Variants in MEF2A observed in about 807,000 individuals in gnomAD.
MEF2A encodes myocyte enhancer factor 2A.
Under a neutral mutation model 55.8 loss-of-function variants are expected in MEF2A, and 28 were observed. The observed-to-expected ratio is 0.50, with a 90% CI of 0.37 to 0.69. The LOEUF (loss-of-function observed/expected upper bound fraction) is 0.69. Ranked by LOEUF, MEF2A falls within the 30% of genes least tolerant of loss-of-function variation. The probability of loss-of-function intolerance (pLI) is 0.00; values close to 1 mark genes in which losing one functional copy is unlikely to be tolerated. For missense variants in MEF2A, 528 were observed against 626.2 expected (o/e 0.84, Z 1.67); for synonymous variants, 239 against 227.1 (o/e 1.05, Z -0.47).
In MEF2A at chr15:99,633,147, C is replaced by A. The variant is rs755726096; in HGVS notation, c.28C>A (p.Arg10Ser). The A allele has an allele frequency of 6.3e-7, 1 of 1,592,304 alleles. No individual in the cohort carries two copies. Among genetic ancestry groups the A allele is most frequent in the Non-Finnish European group, 8.5e-7 (1 of 1,171,068 alleles). The change falls in exon 3 of 12, where the codon CGC becomes AGC. Residue 10 changes from arginine (R) to serine (S), a missense_variant. Around this residue, in one of 2 missense-constraint regions of MEF2A, gnomAD observed 78 missense variants for 150.9 expected, o/e 0.52. Transcript: ENST00000557942. MGRKKIQIT[R>S]IMDERNRQVT... Reference sequence around the variant, plus strand: ...GGGGCGGAAGAAAATACAAATCACACGCATAATGGATGAAAGGAACCGACA... The same window carrying A: ...GGGGCGGAAGAAAATACAAATCACAAGCATAATGGATGAAAGGAACCGACA...
At chr15:99,704,340 GGT>G (rs1178167515) in intron 9 of MEF2A, among the ~76,000 whole-genome samples, 1 of 152,080 alleles carries the variant, frequency 6.6e-6, no homozygotes, top group Non-Finnish European at 1.5e-5. Flanking sequence ...CACAGTTTTG[GGT>G]GTAGTTTTGT....
At chr15:99,704,133 T>G (rs2057750118) in intron 9 of MEF2A, among the ~76,000 whole-genome samples, 1 of 152,216 alleles carries the variant, frequency 6.6e-6, no homozygotes, top group Non-Finnish European at 1.5e-5. Context: ...TTAAGGGGAA[T>G]AAAAACTTGA....
chr15:99,660,030 C>T (rs935718866), intron 4 of MEF2A, among the ~76,000 whole-genome samples: 2 of 152,116 alleles, frequency 1.3e-5, no homozygotes, highest in African/African-American at 4.8e-5. Flanking sequence ...ATAGTAAAAA[C>T]AAAGAGCTTT....
At chr15:99,700,498 C>T (rs1308740341) in intron 8 of MEF2A, among the ~76,000 whole-genome samples, 2 of 151,436 alleles carry the variant, frequency 1.3e-5, no homozygotes, top group Admixed American at 6.6e-5. Context: ...GCTGACACAG[C>T]GAGACCCTGT....
intron 7 of MEF2A, chr15:99,678,714 G>T: frequency 2.1e-6 from 2 of 975,406 alleles, no homozygotes; most frequent in African/African-American, 1.7e-5. Flanking sequence ...CTCAGGAAAG[G>T]CAAAGACTTC....
At chr15:99,567,313 G>GA (rs1960093492) in intron 1 of MEF2A, among the ~76,000 whole-genome samples, 1 of 152,146 alleles carries the variant, frequency 6.6e-6, no homozygotes, top group Admixed American at 6.5e-5. Flanking sequence ...CGGGTTTTTA[G>GA]CACAGTATGT....
rs2047811092 is a variant in MEF2A at position 99,656,854 on chromosome 15, T to C, written c.258+11090T>C. 4.0e-5 allele frequency among the ~76,000 whole-genome samples: 6 copies of C among 151,730 alleles called. No individual in the cohort carries two copies. In the South Asian group the frequency reaches 1.3e-3, roughly 32 times the overall value. ...CACCAGTGTAGATTATGCAGTTCAG[T>C]GGTTCTTAGTCCATTCACAAGTTGG... On this transcript the variant is annotated intron_variant, in intron 4 of 11. Transcript: ENST00000557942.
Position 99,633,114 on chromosome 15 carries a change from C to T in MEF2A, c.-6C>T, listed in dbSNP as rs761422842. On this transcript the variant is annotated 5_prime_UTR_variant, in exon 3 of 12. Coordinates refer to ENST00000557942, the MANE Select transcript of MEF2A (RefSeq NM_001319206.4). ...AATATAAGGAAATAAGGAAAGTTGA[C>T]TGAAAATGGGGCGGAAGAAAATACA... is the stretch of plus-strand genomic sequence containing the variant. The T allele has an allele frequency of 6.3e-7, 1 of 1,599,642 alleles. No individual in the cohort carries two copies. Among genetic ancestry groups the T allele is most frequent in the African/African-American group, 1.3e-5 (1 of 74,152 alleles).
intron 7 of MEF2A, among the ~76,000 whole-genome samples, chr15:99,678,071 T>A (rs2052467698): frequency 6.6e-6 from 1 of 152,208 alleles, no homozygotes; most frequent in African/African-American, 2.4e-5. Flanking sequence ...ACAAAACAAA[T>A]ACTGATTATT....
intron 8 of MEF2A, among the ~76,000 whole-genome samples, chr15:99,694,851 CGTG>C (rs2056170588): frequency 1.3e-5 from 2 of 152,110 alleles, no homozygotes; most frequent in African/African-American, 2.4e-5. Flanking sequence ...AATATGGACT[CGTG>C]GGCATTTATT....
intron 4 of MEF2A, among the ~76,000 whole-genome samples, chr15:99,647,859 T>G (rs1207907896): frequency 6.6e-6 from 1 of 152,178 alleles, no homozygotes; most frequent in Non-Finnish European, 1.5e-5. Flanking sequence ...TAGGATAAAT[T>G]ACAAGGCTTA....
chr15:99,585,485 A>T (rs1197736404), intron 1 of MEF2A, among the ~76,000 whole-genome samples: 1 of 152,156 alleles, frequency 6.6e-6, no homozygotes, highest in African/African-American at 2.4e-5. Context: ...GTTTTTTTAA[A>T]AAATTATAGT....
At chr15:99,642,934 G>GTGTA in intron 3 of MEF2A, among the ~76,000 whole-genome samples, 1 of 152,046 alleles carries the variant, frequency 6.6e-6, no homozygotes, top group Non-Finnish European at 1.5e-5. Context: ...TATTATGTAT[G>GTGTA]TGTATGTATG....
rs1290586717 is a variant in MEF2A at position 99,712,696 on chromosome 15, T to C, written c.1443T>C (p.Leu481=). 1.3e-6 allele frequency: 2 copies of C among 1,563,548 alleles called. No individual in the cohort carries two copies. The highest frequency in any genetic ancestry group is 1.7e-6 in the Non-Finnish European group (2 of 1,153,818). The change falls in exon 12 of 12, where the codon CTT becomes CTC. Residue 481 remains leucine (L), a synonymous_variant. Coordinates refer to ENST00000557942, the MANE Select transcript of MEF2A (RefSeq NM_001319206.4). The surrounding 1 kb of genome is among the most constrained non-coding windows in gnomAD (Gnocchi z 4.1). ...GCGACTTCCATTCTCCAATTGTGCT[T>C]GGCCGACCCCCAAACACTGAGGACA... The part of the protein sequence containing the change: ...PRGDFHSPIV[L]GRPPNTEDRE...
At chr15:99,685,025 T>G (rs1476972668) in intron 7 of MEF2A, among the ~76,000 whole-genome samples, 1 of 152,210 alleles carries the variant, frequency 6.6e-6, no homozygotes, top group Non-Finnish European at 1.5e-5. Context: ...TACTTCTGGG[T>G]TTTCTATTCT....
chr15:99,692,376 C>CAA (rs1245206173), intron 8 of MEF2A, among the ~76,000 whole-genome samples: 5 of 152,172 alleles, frequency 3.3e-5, no homozygotes, highest in Non-Finnish European at 5.9e-5. Context: ...CTCCCAGCCT[C>CAA]ACAATTAAAA....
intron 1 of MEF2A, among the ~76,000 whole-genome samples, chr15:99,588,299 T>TTTTTC (rs940901251): frequency 6.6e-6 from 1 of 151,672 alleles, no homozygotes; most frequent in Non-Finnish European, 1.5e-5. Flanking sequence ...TTTTGTTGTT[T>TTTTTC]TTTTCTTTTC....
chr15:99,655,844 A>G (rs1451077990), intron 4 of MEF2A, among the ~76,000 whole-genome samples: 1 of 152,150 alleles, frequency 6.6e-6, no homozygotes, highest in Non-Finnish European at 1.5e-5. Flanking sequence ...TAATGCTGTG[A>G]AAAGTGGTTT....
chr15:99,652,596 T>C (rs770816314), intron 4 of MEF2A, among the ~76,000 whole-genome samples: 1 of 152,164 alleles, frequency 6.6e-6, no homozygotes, highest in Non-Finnish European at 1.5e-5. Context: ...CACTGTAGTA[T>C]ACTGTGAAGA....
Sources: allele counts gnomAD v4.1 joint callset (sites outside exome capture counted in the v4.1 genomes callset), GRCh38; gene constraint gnomAD v4.1.1; regional missense constraint gnomAD v4.1.1; non-coding constraint Gnocchi (gnomAD v3.1); transcripts MANE v1.5; gene names NCBI Gene and HGNC (gene_info 2026-07-23, HGNC 2026-07-21).